MARCHF8: variants seen among roughly 807,000 people sequenced by gnomAD.
MARCHF8 encodes the protein membrane associated ring-CH-type finger 8.
Under a neutral mutation model 51.6 loss-of-function variants are expected in MARCHF8, and 40 were observed. The ratio of observed to expected loss-of-function variants is 0.77; its 90% CI spans 0.60 to 1.01. The LOEUF (loss-of-function observed/expected upper bound fraction) is 1.01. MARCHF8 is among the 50% of genes least tolerant of loss of function. The pLI is 0.00. For missense variants in MARCHF8, 685 were observed against 708.6 expected (o/e 0.97, Z 0.38); for synonymous variants, 263 against 280.3 (o/e 0.94, Z 0.62).
chr10:45,566,552 C>T (rs2044366810), intron 1 of MARCHF8, among the ~76,000 whole-genome samples: 1 of 152,124 alleles, frequency 6.6e-6, no homozygotes, highest in Admixed American at 6.5e-5. Context: ...GCTTATTTCA[C>T]TTAACATAAT....
chr10:45,492,300 T>A (rs1024660958), intron 2 of MARCHF8, among the ~76,000 whole-genome samples: 1 of 150,944 alleles, frequency 6.6e-6, no homozygotes, highest in African/African-American at 2.4e-5. Flanking sequence ...TCTTCTTCTT[T>A]TTTTTTTTCT....
intron 7 of MARCHF8, 60 bp downstream of exon 7, chr10:45,459,060 C>T: frequency 6.2e-7 from 1 of 1,603,012 alleles, no homozygotes; most frequent in Non-Finnish European, 8.5e-7. Flanking sequence ...CCTCTGACCC[C>T]AGGACTCCTG....
At chr10:45,539,626 G>A (rs1158759062), upstream of MARCHF8, among the ~76,000 whole-genome samples, 1 of 152,098 alleles carries the variant, frequency 6.6e-6, no homozygotes, top group African/African-American at 2.4e-5. Flanking sequence ...AATAAAGAAT[G>A]ACAAAGGGGA....
At chr10:45,526,538 G>A (rs2043797071) in intron 2 of MARCHF8, among the ~76,000 whole-genome samples, 1 of 152,132 alleles carries the variant, frequency 6.6e-6, no homozygotes, top group African/African-American at 2.4e-5. Flanking sequence ...CAACAAGCCA[G>A]GCTGAAGAGA....
chr10:45,459,018 G>C, intron 7 of MARCHF8, 102 bp downstream of exon 7: 1 of 1,487,872 alleles, frequency 6.7e-7, no homozygotes, highest in Non-Finnish European at 9.1e-7. Context: ...CCCTCCTCCG[G>C]AAACCCAGAC....
intron 2 of MARCHF8, among the ~76,000 whole-genome samples, chr10:45,514,239 G>C (rs1392656687): frequency 6.6e-6 from 1 of 152,224 alleles, no homozygotes; most frequent in East Asian, 1.9e-4. Flanking sequence ...GCATCCTTGA[G>C]CAACTCTGGG....
chr10:45,491,062 TCTGA>T (rs1305157702), intron 2 of MARCHF8, among the ~76,000 whole-genome samples: 5 of 152,178 alleles, frequency 3.3e-5, no homozygotes, highest in Non-Finnish European at 5.9e-5. Flanking sequence ...TGCCACCATG[TCTGA>T]CTAAGTATTT....
At chr10:45,509,419 C>T (rs1268636196) in intron 2 of MARCHF8, among the ~76,000 whole-genome samples, 1 of 152,192 alleles carries the variant, frequency 6.6e-6, no homozygotes, top group African/African-American at 2.4e-5. Flanking sequence ...CACTTGTAAA[C>T]ATCTTATTCT....
At chr10:45,473,204 G>A (rs1431005305) in intron 3 of MARCHF8, among the ~76,000 whole-genome samples, 1 of 152,200 alleles carries the variant, frequency 6.6e-6, no homozygotes, top group African/African-American at 2.4e-5. Flanking sequence ...AAATATTCAG[G>A]AGGCCTAGGA....
chr10:45,557,182 C>A (rs567565285), intron 1 of MARCHF8, among the ~76,000 whole-genome samples: 1 of 124,988 alleles, frequency 8.0e-6, no homozygotes, highest in Non-Finnish European at 1.6e-5. Context: ...GACTGGAGTG[C>A]AATGGAACAA....
intron 2 of MARCHF8, among the ~76,000 whole-genome samples, chr10:45,506,355 C>T (rs1379882702): frequency 1.3e-5 from 2 of 152,140 alleles, no homozygotes; most frequent in South Asian, 4.1e-4. Flanking sequence ...TATTTGGGTA[C>T]GTCATTCATA....
intron 2 of MARCHF8, among the ~76,000 whole-genome samples, chr10:45,491,412 C>T (rs1453049821): frequency 2.0e-5 from 3 of 152,058 alleles, no homozygotes; most frequent in Non-Finnish European, 4.4e-5. Flanking sequence ...GTGGCACGTG[C>T]CTATAATCCC....
chr10:45,569,797 C>G (rs910553854), intron 1 of MARCHF8, among the ~76,000 whole-genome samples: 1 of 151,918 alleles, frequency 6.6e-6, no homozygotes, highest in Non-Finnish European at 1.5e-5. Flanking sequence ...TAATGAGGAT[C>G]AATTGTGTAT....
At chr10:45,510,715 A>C (rs1819457077) in intron 2 of MARCHF8, among the ~76,000 whole-genome samples, 1 of 152,190 alleles carries the variant, frequency 6.6e-6, no homozygotes, top group Non-Finnish European at 1.5e-5. Flanking sequence ...TGTGGCAATA[A>C]TGAAGTTAAC....
At chr10:45,499,490 T>C (rs1166004083) in intron 2 of MARCHF8, among the ~76,000 whole-genome samples, 1 of 152,222 alleles carries the variant, frequency 6.6e-6, no homozygotes, top group African/African-American at 2.4e-5. Context: ...TTTGGTGTCA[T>C]ATCCAAAAAA....
intron 2 of MARCHF8, among the ~76,000 whole-genome samples, chr10:45,522,918 G>A (rs1247135239): frequency 6.6e-6 from 1 of 152,106 alleles, no homozygotes; most frequent in Non-Finnish European, 1.5e-5. Flanking sequence ...CCCCCCAAGT[G>A]AGCTATAATT....
At chr10:45,586,897 T>A (rs36052429) in intron 1 of MARCHF8, among the ~76,000 whole-genome samples, 7,443 of 152,204 alleles carry the variant, frequency 0.049, 256 homozygotes, top group Non-Finnish European at 0.066. Context: ...TTGCTCCCAG[T>A]CTATAGTATA....
chr10:45,532,281 A>C (rs1347414823), intron 2 of MARCHF8, among the ~76,000 whole-genome samples: 2 of 152,250 alleles, frequency 1.3e-5, no homozygotes, highest in African/African-American at 2.4e-5. Flanking sequence ...ACCTGCAGTG[A>C]GGGTGTATAT....
chr10:45,586,803 G>A (rs995100756), intron 1 of MARCHF8, among the ~76,000 whole-genome samples: 8 of 151,898 alleles, frequency 5.3e-5, no homozygotes, highest in African/African-American at 1.7e-4. Flanking sequence ...TGCAATTTGA[G>A]TTCTCTAGCT....
Sources: gnomAD v4.1 joint callset for allele counts (sites outside exome capture counted in the v4.1 genomes callset) on GRCh38, gnomAD v4.1.1 for gene constraint, MANE v1.5 for transcripts, NCBI Gene and HGNC (gene_info 2026-07-23, HGNC 2026-07-21) for gene names.